The following MAML2 variants were observed in gnomAD, a reference collection of about 807,000 sequenced individuals.
MAML2 encodes mastermind-like protein 2.
Under a neutral mutation model 96.1 loss-of-function variants are expected in MAML2, and 22 were observed. The observed-to-expected ratio is 0.23, with a 90% CI of 0.16 to 0.33. The LOEUF is 0.33. MAML2 is among the 10% of genes least tolerant of loss of function. The pLI, the probability that MAML2 is intolerant of heterozygous loss-of-function variation, is 1.00. For synonymous variants in MAML2, 561 were observed against 521.3 expected (o/e 1.08, Z -1.04); for missense variants, 1,367 against 1,392.4 (o/e 0.98, Z 0.29).
At chr11:96,267,897 C>G (rs1565267732) in intron 1 of MAML2, among the ~76,000 whole-genome samples, 1 of 152,190 alleles carries the variant, frequency 6.6e-6, no homozygotes, top group Non-Finnish European at 1.5e-5. Context: ...AGCCCACTTG[C>G]TATTTTCATG....
chr11:96,232,032 C>A (rs1183737111), intron 1 of MAML2, among the ~76,000 whole-genome samples: 1 of 152,170 alleles, frequency 6.6e-6, no homozygotes, highest in Admixed American at 6.5e-5. Flanking sequence ...AAATTAGAAT[C>A]AATCTGATGA....
intron 1 of MAML2, among the ~76,000 whole-genome samples, chr11:96,179,335 A>G (rs1400055640): frequency 6.6e-6 from 1 of 152,238 alleles, no homozygotes; most frequent in Non-Finnish European, 1.5e-5. Flanking sequence ...GGATCAAGTA[A>G]CAATATCAAA....
At chr11:96,282,248 C>CAAAAAAA (rs546246324) in intron 1 of MAML2, among the ~76,000 whole-genome samples, 1 of 136,892 alleles carries the variant, frequency 7.3e-6, no homozygotes, top group Non-Finnish European at 1.6e-5. Flanking sequence ...GACTCCATCT[C>CAAAAAAA]AAAAAAAAAA....
At chr11:96,099,586 C>T (rs749399976) in intron 1 of MAML2, among the ~76,000 whole-genome samples, 1 of 152,144 alleles carries the variant, frequency 6.6e-6, no homozygotes, top group Non-Finnish European at 1.5e-5. Context: ...TACCACAATG[C>T]TGGGCATATT....
intron 2 of MAML2, among the ~76,000 whole-genome samples, chr11:96,035,362 C>G (rs1431951473): frequency 6.6e-6 from 1 of 152,048 alleles, no homozygotes; most frequent in Non-Finnish European, 1.5e-5. Flanking sequence ...TTAGGTATGC[C>G]CATTATTTTC....
At chr11:96,276,398 T>C (rs1862988187) in intron 1 of MAML2, among the ~76,000 whole-genome samples, 1 of 152,180 alleles carries the variant, frequency 6.6e-6, no homozygotes, top group South Asian at 2.1e-4. Flanking sequence ...CAATTTCTTA[T>C]CCTTGTCAGT....
chr11:96,298,930 A>T (rs978277810), intron 1 of MAML2, among the ~76,000 whole-genome samples: 5 of 146,022 alleles, frequency 3.4e-5, no homozygotes, highest in African/African-American at 1.2e-4. Context: ...CTGTAGTCCC[A>T]GCTACTCGGG....
intron 1 of MAML2, among the ~76,000 whole-genome samples, chr11:96,116,686 A>G (rs1294415119): frequency 6.6e-6 from 1 of 152,220 alleles, no homozygotes; most frequent in Non-Finnish European, 1.5e-5. Context: ...GCTTCTACTA[A>G]ACAAGTGGAT....
intron 2 of MAML2, among the ~76,000 whole-genome samples, chr11:96,039,826 C>T (rs564559549): frequency 7.9e-5 from 12 of 151,786 alleles, no homozygotes; most frequent in Admixed American, 7.2e-4. Context: ...GGCGTAGTGG[C>T]GGGTGCCTGT....
At chr11:96,212,108 A>AGTGT (rs72133828) in intron 1 of MAML2, among the ~76,000 whole-genome samples, 5,270 of 134,158 alleles carry the variant, frequency 0.039, 258 homozygotes, top group African/African-American at 0.12. Flanking sequence ...AGGAAGACAA[A>AGTGT]GTGTGTGTGT....
At chr11:96,313,859 G>T (rs1218656224) in intron 1 of MAML2, among the ~76,000 whole-genome samples, 1 of 152,132 alleles carries the variant, frequency 6.6e-6, no homozygotes, top group East Asian at 1.9e-4. Context: ...GCAGAAATTT[G>T]GATTTTTCGA....
chr11:96,265,069 T>C (rs1591103792), intron 1 of MAML2, among the ~76,000 whole-genome samples: 2 of 152,196 alleles, frequency 1.3e-5, no homozygotes, highest in East Asian at 3.8e-4. Context: ...TAAACCATGT[T>C]ATTTATTCTT....
At chr11:96,114,376 G>C (rs1397943328) in intron 1 of MAML2, among the ~76,000 whole-genome samples, 1 of 152,260 alleles carries the variant, frequency 6.6e-6, no homozygotes, top group East Asian at 1.9e-4. Context: ...TAATTTCATC[G>C]TTTGATCCTA....
intron 4 of MAML2, 73 bp from the exon 5 acceptor site, chr11:95,980,036 C>T: frequency 1.7e-6 from 2 of 1,172,732 alleles, no homozygotes; most frequent in Non-Finnish European, 1.2e-6. Context: ...TTTTCAATAA[C>T]TCATCAATCT....
At chr11:96,258,221 T>G (rs1215175825) in intron 1 of MAML2, among the ~76,000 whole-genome samples, 1 of 152,220 alleles carries the variant, frequency 6.6e-6, no homozygotes, top group Non-Finnish European at 1.5e-5. Context: ...TATCATCTTC[T>G]GCCTACCTTG....
chr11:96,124,764 G>C (rs918677767), intron 1 of MAML2, among the ~76,000 whole-genome samples: 3 of 152,082 alleles, frequency 2.0e-5, no homozygotes, highest in Non-Finnish European at 4.4e-5. Context: ...AAGGGCATGA[G>C]AGGAGGGAAG....
intron 1 of MAML2, among the ~76,000 whole-genome samples, chr11:96,260,793 G>C (rs1287364720): frequency 7.8e-6 from 1 of 128,592 alleles, no homozygotes; most frequent in East Asian, 2.6e-4. Flanking sequence ...GTTATTTGCA[G>C]GCAAAAAAAA....
chr11:96,215,871 T>C (rs1042748405), intron 1 of MAML2, among the ~76,000 whole-genome samples: 5 of 152,116 alleles, frequency 3.3e-5, no homozygotes, highest in Non-Finnish European at 7.4e-5. Context: ...GAACAACAGA[T>C]TGGAACAACA....
chr11:96,208,950 T>C (rs1861930464), intron 1 of MAML2, among the ~76,000 whole-genome samples: 1 of 152,178 alleles, frequency 6.6e-6, no homozygotes, highest in Non-Finnish European at 1.5e-5. Context: ...ACTCGATGTG[T>C]CAGTTATCTG....
Sources: allele counts gnomAD v4.1 joint callset (sites outside exome capture counted in the v4.1 genomes callset), GRCh38; gene constraint gnomAD v4.1.1; transcripts MANE v1.5; gene names NCBI Gene and HGNC (gene_info 2026-07-23, HGNC 2026-07-21).